Variants in SPRY3 observed in about 807,000 individuals in gnomAD.
SPRY3 encodes sprouty RTK signaling antagonist 3, also known as protein sprouty homolog 3.
SPRY3 carries 15 observed loss-of-function variants against 20.2 expected under a neutral mutation model. That is an observed-to-expected ratio of 0.74 (90% CI 0.50 to 1.14). The LOEUF is 1.14. Ranked by LOEUF, SPRY3 falls within the 50% of genes most tolerant of loss-of-function variation. The probability of loss-of-function intolerance (pLI) is 0.00; values close to 1 mark genes in which losing one functional copy is unlikely to be tolerated. For synonymous variants in SPRY3, 143 were observed against 136.5 expected (o/e 1.05, Z -0.33); for missense variants, 364 against 363.9 (o/e 1.00, Z 0.00).
At chrX:155,669,039 C>T (rs907714776) in intron 2 of SPRY3, among the ~76,000 whole-genome samples, 4 of 110,914 alleles carry the variant, frequency 3.6e-5, no homozygotes, top group Non-Finnish European at 5.7e-5. Context: ...TTTAAACTTA[C>T]GGTAACTACA....
intron 2 of SPRY3, among the ~76,000 whole-genome samples, chrX:155,747,288 G>A (rs306899): frequency 0.13 from 19,428 of 151,768 alleles, 2,129 homozygotes; most frequent in African/African-American, 0.31. Flanking sequence ...GCATTTACCT[G>A]ATAAAACTAT....
chrX:155,752,711 C>T (rs770152800), intron 2 of SPRY3, among the ~76,000 whole-genome samples: 1 of 151,862 alleles, frequency 6.6e-6, no homozygotes, highest in Non-Finnish European at 1.5e-5. Context: ...TCATTTTTTA[C>T]TTCTCAGATA....
chrX:155,628,882 C>G (rs782055285), intron 1 of SPRY3, among the ~76,000 whole-genome samples: 1 of 111,862 alleles, frequency 8.9e-6, no homozygotes, highest in Non-Finnish European at 1.9e-5. Context: ...TTGCATTTCC[C>G]TGATGGTAAT....
chrX:155,703,999 C>A (rs2090930018), intron 2 of SPRY3, among the ~76,000 whole-genome samples: 1 of 151,596 alleles, frequency 6.6e-6, no homozygotes, highest in South Asian at 2.1e-4. Context: ...TAATGCAAAC[C>A]CTCGCACTAA....
At chrX:155,643,373 T>C (rs1161461524) in intron 1 of SPRY3, among the ~76,000 whole-genome samples, 2 of 111,695 alleles carry the variant, frequency 1.8e-5, no homozygotes, top group Non-Finnish European at 1.9e-5. Context: ...AGCGTGTTTC[T>C]TGTAGGCAGC....
intron 2 of SPRY3, among the ~76,000 whole-genome samples, chrX:155,761,714 A>G (rs866310309): frequency 7.3e-6 from 1 of 136,322 alleles, no homozygotes; most frequent in Non-Finnish European, 1.6e-5. Context: ...GCCAGCACCT[A>G]TTTTTTTTTT....
intron 1 of SPRY3, among the ~76,000 whole-genome samples, chrX:155,625,577 G>C (rs1311991758): frequency 9.1e-6 from 1 of 110,228 alleles, no homozygotes; most frequent in Non-Finnish European, 1.9e-5. Flanking sequence ...GTTTCCCACA[G>C]TCAGTTTTGC....
chrX:155,762,475 T>C lies in SPRY3; in HGVS notation c.-281-5487T>C, dbSNP rs571992024. 3.5e-4 allele frequency among the ~76,000 whole-genome samples: 53 copies of C among 151,652 alleles called. No homozygotes were observed. In the East Asian group the frequency reaches 5.2e-3, roughly 15 times the overall value. On this transcript the variant is annotated intron_variant, in intron 2 of 3. Coordinates refer to ENST00000675360, the Ensembl canonical transcript of SPRY3. The stretch of plus-strand genomic sequence containing the variant: ...AATATTTGATGTAGTCTTTGGACTA[T>C]TTGGAGGCAGAAACAATAATACCTG...
chrX:155,717,004 A>ATATATATATATATATATATATATATG (rs2091028035), intron 2 of SPRY3, among the ~76,000 whole-genome samples: 1 of 136,762 alleles, frequency 7.3e-6, no homozygotes, highest in African/African-American at 2.8e-5. Context: ...ATATATATAT[A>ATATATATATATATATATATATATATG]TATATATAGC....
Position 155,672,952 on chromosome X carries a change from A to C in SPRY3, c.-282+15927A>C, listed in dbSNP as rs2068046837. Among the ~76,000 whole-genome samples the C allele has an allele frequency of 1.9e-5, 2 of 104,860 alleles. 1 individual carries two copies. The highest frequency in any genetic ancestry group is 9.1e-4 in the South Asian group (2 of 2,188). The allele number at this position is 104,860 out of a possible 115,157, so 91.1% of individuals were successfully genotyped here. On this transcript the variant is annotated intron_variant, in intron 2 of 3. Coordinates refer to ENST00000675360, the Ensembl canonical transcript of SPRY3. Reference sequence around the variant, plus strand: ...AAATTGGAAATCATCATTCGTAGTAAACTATCGCAAGGACAAAAAACCAAA... The same window carrying C: ...AAATTGGAAATCATCATTCGTAGTACACTATCGCAAGGACAAAAAACCAAA...
intron 2 of SPRY3, among the ~76,000 whole-genome samples, chrX:155,709,405 T>C (rs1255956334): frequency 1.3e-5 from 2 of 151,858 alleles, no homozygotes; most frequent in Non-Finnish European, 2.9e-5. Flanking sequence ...TTTGCATTTA[T>C]CTGATGAGCA....
intron 1 of SPRY3, among the ~76,000 whole-genome samples, chrX:155,645,646 C>T: frequency 1.8e-5 from 2 of 112,491 alleles, no homozygotes; most frequent in South Asian, 7.4e-4. Context: ...CACTTTTCTT[C>T]TCCCAAATGC....
At chrX:155,752,300 A>C (rs2091267426) in intron 2 of SPRY3, among the ~76,000 whole-genome samples, 2 of 151,730 alleles carry the variant, frequency 1.3e-5, no homozygotes, top group Admixed American at 6.6e-5. Flanking sequence ...AAAAATATGA[A>C]ATCATCAAAA....
At chrX:155,747,331 C>G (rs2091232682) in intron 2 of SPRY3, among the ~76,000 whole-genome samples, 1 of 151,888 alleles carries the variant, frequency 6.6e-6, no homozygotes, top group Non-Finnish European at 1.5e-5. Context: ...TCCATTAGTA[C>G]TTAGCTCTTA....
intron 2 of SPRY3, among the ~76,000 whole-genome samples, chrX:155,714,881 C>T (rs2091011180): frequency 6.6e-6 from 1 of 152,024 alleles, no homozygotes. Flanking sequence ...ACGGGGGATT[C>T]TGCCAGCCCA....
At chrX:155,770,373 G>C (rs1215055985) in intron 3 of SPRY3, among the ~76,000 whole-genome samples, 1 of 152,064 alleles carries the variant, frequency 6.6e-6, no homozygotes, top group African/African-American at 2.4e-5. Flanking sequence ...TCTTGAATGG[G>C]CTTAGCTTTC....
chrX:155,719,384 C>T (rs957137041), intron 2 of SPRY3, among the ~76,000 whole-genome samples: 1 of 150,936 alleles, frequency 6.6e-6, no homozygotes, highest in African/African-American at 2.4e-5. Flanking sequence ...GAAAGACAGT[C>T]TAGGCCACAA....
chrX:155,666,899 C>T (rs1213333755), intron 2 of SPRY3, among the ~76,000 whole-genome samples: 1 of 109,748 alleles, frequency 9.1e-6, no homozygotes, highest in Admixed American at 9.8e-5. Context: ...GTGGAGTAGC[C>T]AGCAAAGGAT....
intron 2 of SPRY3, among the ~76,000 whole-genome samples, chrX:155,731,598 C>A (rs1469317514): frequency 6.6e-6 from 1 of 151,958 alleles, no homozygotes; most frequent in Non-Finnish European, 1.5e-5. Context: ...TTGGACGGGG[C>A]AAAGATTTCT....
Sources: gnomAD v4.1 joint callset for allele counts (sites outside exome capture counted in the v4.1 genomes callset) on GRCh38, gnomAD v4.1.1 for gene constraint, MANE v1.5 for transcripts, NCBI Gene and HGNC (gene_info 2026-07-23, HGNC 2026-07-21) for gene names.